Variants in HLCS observed in about 807,000 individuals in gnomAD.
The protein encoded by HLCS is holocarboxylase synthetase.
In HLCS, 53 loss-of-function variants were observed where a neutral mutation model predicts 75.0. That is an observed-to-expected ratio of 0.71 (90% CI 0.57 to 0.89). The LOEUF is 0.89. HLCS is among the 40% of genes least tolerant of loss of function. The pLI, the probability that HLCS is intolerant of heterozygous loss-of-function variation, is 0.00. For synonymous variants in HLCS, 431 were observed against 428.6 expected, an observed-to-expected ratio of 1.01 and a Z score of -0.07; for missense variants, 966 against 1,074.0, an observed-to-expected ratio of 0.90 and a Z score of 1.41.
At chr21:36,754,460 GGAC>G in intron 10 of HLCS, 43 bp from the exon 11 acceptor site, 1 of 1,587,710 alleles carries the variant, frequency 6.3e-7, no homozygotes, top group South Asian at 1.1e-5. Context: ...AGGTGTCACA[GGAC>G]GACTTAAGAC....
chr21:36,778,126 G>A (rs568277350), intron 6 of HLCS, among the ~76,000 whole-genome samples: 35 of 151,210 alleles, frequency 2.3e-4, no homozygotes, highest in Non-Finnish European at 3.2e-4. Context: ...CCGCCACCAC[G>A]CCCGGCTAAT....
intron 6 of HLCS, among the ~76,000 whole-genome samples, chr21:36,843,638 G>A (rs371485051): frequency 7.9e-5 from 12 of 152,154 alleles, no homozygotes; most frequent in East Asian, 3.9e-4. Flanking sequence ...ACTAGTGTGC[G>A]CAAAGTTATT....
At chr21:36,865,880 G>T (rs1177436736) in intron 6 of HLCS, among the ~76,000 whole-genome samples, 5 of 152,168 alleles carry the variant, frequency 3.3e-5, no homozygotes, top group Non-Finnish European at 7.3e-5. Flanking sequence ...TGCTGAGTCC[G>T]ATTTTTTAAT....
intron 1 of HLCS, among the ~76,000 whole-genome samples, chr21:36,982,319 G>A (rs1029790835): frequency 2.9e-4 from 44 of 152,172 alleles, no homozygotes; most frequent in African/African-American, 1.0e-3. Flanking sequence ...ACATCCACTC[G>A]TCTCCTGGAG....
intron 6 of HLCS, among the ~76,000 whole-genome samples, chr21:36,860,246 A>G (rs1250621632): frequency 6.6e-6 from 1 of 151,674 alleles, no homozygotes; most frequent in Non-Finnish European, 1.5e-5. Context: ...AGATCACATA[A>G]CCTCCCCCAA....
intron 1 of HLCS, among the ~76,000 whole-genome samples, chr21:36,965,744 T>C (rs931129484): frequency 1.3e-5 from 2 of 151,300 alleles, no homozygotes; most frequent in African/African-American, 4.9e-5. Context: ...TTTTTTTTTT[T>C]TTCTTAAGAC....
At chr21:36,772,117 A>T (rs1378844252) in intron 6 of HLCS, among the ~76,000 whole-genome samples, 4 of 152,232 alleles carry the variant, frequency 2.6e-5, no homozygotes, top group African/African-American at 9.6e-5. Flanking sequence ...CATCTAGGTA[A>T]GTCCCACTTC....
At chr21:36,919,349 G>A (rs1051855705) in intron 5 of HLCS, among the ~76,000 whole-genome samples, 2 of 152,160 alleles carry the variant, frequency 1.3e-5, no homozygotes, top group African/African-American at 4.8e-5. Flanking sequence ...TTAACCTACC[G>A]AGGCAAATTA....
rs529576167 is a variant in HLCS, at chr21:36,866,644, C to G, written c.1892+30216G>C. Among the ~76,000 whole-genome samples the G allele has an allele frequency of 4.1e-4, 62 of 152,302 alleles. 1 individual carries two copies. Among genetic ancestry groups the G allele is most frequent in the Non-Finnish European group, 6.6e-4 (45 of 68,028 alleles). On this transcript the variant is annotated intron_variant, in intron 6 of 10. Coordinates refer to ENST00000674895, the MANE Select transcript of HLCS (RefSeq NM_001352514.2). ...GATCACATTCCTTCGATCATAAAGT[C>G]CTCAAAAGCAATCTTGCTCCATGTC...
chr21:36,873,186 C>T (rs914374505), intron 6 of HLCS, among the ~76,000 whole-genome samples: 1 of 151,858 alleles, frequency 6.6e-6, no homozygotes, highest in African/African-American at 2.4e-5. Context: ...GGCACAATCT[C>T]GACTCACTGC....
At chr21:36,896,179 G>A (rs1307991917) in intron 6 of HLCS, among the ~76,000 whole-genome samples, 1 of 152,140 alleles carries the variant, frequency 6.6e-6, no homozygotes. Flanking sequence ...GTGAAACCCT[G>A]TCTCTACTAA....
At chr21:36,989,449 G>C (rs1487668700) in intron 1 of HLCS, among the ~76,000 whole-genome samples, 1 of 150,574 alleles carries the variant, frequency 6.6e-6, no homozygotes. Context: ...TCAGCCTCCT[G>C]AGTAGCTGGG....
At chr21:36,902,488 C>T (rs1004787862) in intron 5 of HLCS, among the ~76,000 whole-genome samples, 2 of 152,202 alleles carry the variant, frequency 1.3e-5, no homozygotes, top group Admixed American at 6.5e-5. Context: ...TGGCCCTTGC[C>T]GGTTGCACAG....
chr21:36,817,071 C>T (rs932698225), intron 6 of HLCS, among the ~76,000 whole-genome samples: 3 of 152,044 alleles, frequency 2.0e-5, no homozygotes, highest in Non-Finnish European at 2.9e-5. Flanking sequence ...CTTTTCAGAG[C>T]GAAGAGTAAG....
intron 1 of HLCS, chr21:36,974,825 T>C (rs2068893735): frequency 6.6e-6 from 1 of 152,232 alleles, no homozygotes; most frequent in African/African-American, 2.4e-5. Context: ...CTTGGACTTC[T>C]AGCTTCCAGA....
At chr21:36,808,824 A>G (rs1459882127) in intron 6 of HLCS, among the ~76,000 whole-genome samples, 2 of 152,218 alleles carry the variant, frequency 1.3e-5, no homozygotes, top group African/African-American at 4.8e-5. Flanking sequence ...AGCATTTCTT[A>G]CAGTGCAGGT....
intron 5 of HLCS, among the ~76,000 whole-genome samples, chr21:36,907,009 A>T (rs2146379109): frequency 1.3e-5 from 2 of 152,294 alleles, no homozygotes; most frequent in Non-Finnish European, 2.9e-5. Context: ...TCCTGAGCTC[A>T]AGCCAACCTC....
chr21:36,760,746 T>C (rs1392035244), intron 8 of HLCS, among the ~76,000 whole-genome samples: 1 of 152,126 alleles, frequency 6.6e-6, no homozygotes, highest in Non-Finnish European at 1.5e-5. Flanking sequence ...GCGTCTTGAA[T>C]GGTGTGGCCT....
intron 6 of HLCS, among the ~76,000 whole-genome samples, chr21:36,833,976 G>C (rs2062311537): frequency 6.6e-6 from 1 of 152,182 alleles, no homozygotes; most frequent in Non-Finnish European, 1.5e-5. Context: ...GAACTGCATG[G>C]GTCCACTTAT....
Sources: gnomAD v4.1 joint callset for allele counts (sites outside exome capture counted in the v4.1 genomes callset) on GRCh38, gnomAD v4.1.1 for gene constraint, MANE v1.5 for transcripts, NCBI Gene and HGNC (gene_info 2026-07-23, HGNC 2026-07-21) for gene names.